DNAH9: variants seen among roughly 807,000 people sequenced by gnomAD.
DNAH9 encodes the protein dynein axonemal heavy chain 9, also known as DNAH9 variant protein.
DNAH9 carries 345 observed loss-of-function variants against 471.6 expected under a neutral mutation model. The observed-to-expected ratio is 0.73, with a 90% CI of 0.67 to 0.80. The LOEUF (loss-of-function observed/expected upper bound fraction) is 0.80. Among genes scored for constraint, DNAH9 ranks in the 30% least tolerant of loss-of-function variants. The pLI is 0.00. For synonymous variants in DNAH9, 2,093 were observed against 2,123.6 expected (o/e 0.99, Z 0.40); for missense variants, 5,407 against 5,609.2 (o/e 0.96, Z 1.15).
intron 15 of DNAH9, 36 bp downstream of exon 15, chr17:11,665,004 A>G (rs2073842466): frequency 6.3e-7 from 1 of 1,584,176 alleles, no homozygotes; most frequent in African/African-American, 1.4e-5. Context: ...TTATTATTGG[A>G]AAGATAACAA....
chr17:11,691,854 A>C (rs530773169), intron 20 of DNAH9, among the ~76,000 whole-genome samples: 1 of 151,890 alleles, frequency 6.6e-6, no homozygotes, highest in African/African-American at 2.4e-5. Context: ...CCCAGGCTGG[A>C]GTGTAGTGGT....
chr17:11,794,036 A>ATTTTTTTTTT (rs35741238), intron 42 of DNAH9, among the ~76,000 whole-genome samples: 2 of 80,900 alleles, frequency 2.5e-5, no homozygotes, highest in African/African-American at 5.1e-5. Flanking sequence ...ATTTTGAGCA[A>ATTTTTTTTTT]TTTTTTTTTT....
At chr17:11,669,035 T>C (rs1207926058) in intron 15 of DNAH9, 29 bp from the exon 16 acceptor site, 1 of 1,526,056 alleles carries the variant, frequency 6.6e-7, no homozygotes, top group Non-Finnish European at 9.0e-7. Context: ...CACTCTTTGT[T>C]TTGTTTGCTT....
rs1158440295 is a variant in DNAH9 at position 11,942,312 on chromosome 17, C to A, written c.12670C>A (p.Leu4224Ile). The A allele has an allele frequency of 1.2e-6, 2 of 1,613,992 alleles. No homozygotes were observed. Among genetic ancestry groups the A allele is most frequent in the Non-Finnish European group, 1.7e-6 (2 of 1,179,904 alleles). The change falls in exon 67 of 69, where the codon CTT becomes ATT. Residue 4224 changes from leucine (L) to isoleucine (I), a missense_variant. This residue lies in a region of DNAH9 where 4,636 missense variants were observed against 4,900.3 expected (regional missense o/e 0.95). Transcript: ENST00000262442. Reference protein sequence around the residue: ...GATREEKVKALLEEILERVTD... With the variant: ...GATREEKVKAILEEILERVTD... ...TCCTTCTGTGGGGCAGGTCAAGGCA[C>A]TTCTGGAAGAAATATTGGAGCGGGT...
intron 17 of DNAH9, among the ~76,000 whole-genome samples, chr17:11,670,445 C>T (rs909559387): frequency 2.0e-5 from 3 of 152,126 alleles, no homozygotes; most frequent in African/African-American, 4.8e-5. Flanking sequence ...TCTCAGAATC[C>T]CATTGGGGAC....
Position 11,744,967 on chromosome 17 carries a change from C to T in DNAH9, c.6282C>T (p.Ile2094=), listed in dbSNP as rs373753549. 4.1e-5 allele frequency: 66 copies of T among 1,614,020 alleles called. No individual in the cohort carries two copies. The Middle Eastern group carries it at 8.2e-4, about 20-fold the overall frequency. ...ACATGCCCATCTTCATGGGCCTGATCGGGGACCTCTTTCCCGCCCTGGATG... is the reference window on the plus strand; with the variant it reads ...ACATGCCCATCTTCATGGGCCTGATTGGGGACCTCTTTCCCGCCCTGGATG... ...TDDMPIFMGL[I]GDLFPALDVP... The change falls in exon 31 of 69, where the codon ATC becomes ATT. Residue 2094 remains isoleucine (I), a synonymous_variant. Transcript: ENST00000262442.
chr17:11,781,885 G>C (rs114272148), intron 39 of DNAH9, among the ~76,000 whole-genome samples: 4,151 of 148,870 alleles, frequency 0.028, 199 homozygotes, highest in African/African-American at 0.098. Flanking sequence ...ACCATGCACC[G>C]TGTCTGCAGA....
chr17:11,712,899 A>T (rs79055102), intron 26 of DNAH9, among the ~76,000 whole-genome samples: 13 of 123,484 alleles, frequency 1.1e-4, no homozygotes, highest in South Asian at 2.2e-4. Flanking sequence ...TGAGTTATTT[A>T]AAAAAAAAAA....
At chr17:11,774,279 G>T (rs769510733) in intron 38 of DNAH9, among the ~76,000 whole-genome samples, 2 of 151,992 alleles carry the variant, frequency 1.3e-5, no homozygotes, top group African/African-American at 2.4e-5. Flanking sequence ...CAAATATGTA[G>T]CCATAAAATA....
intron 8 of DNAH9, among the ~76,000 whole-genome samples, chr17:11,634,714 C>G (rs972622629): frequency 6.6e-6 from 1 of 152,168 alleles, no homozygotes; most frequent in African/African-American, 2.4e-5. Context: ...CCTTAGAGTG[C>G]CTTGGAATCA....
intron 60 of DNAH9, among the ~76,000 whole-genome samples, chr17:11,904,292 C>A (rs773374125): frequency 1.1e-3 from 166 of 151,952 alleles, no homozygotes; most frequent in Non-Finnish European, 2.0e-3. Flanking sequence ...TGTGCAGGGG[C>A]AGTGGTGACA....
intron 59 of DNAH9, among the ~76,000 whole-genome samples, chr17:11,902,162 C>G (rs1475202307): frequency 6.6e-6 from 1 of 152,216 alleles, no homozygotes; most frequent in Non-Finnish European, 1.5e-5. Context: ...GGACACATGA[C>G]TTACTGGACA....
chr17:11,632,750 G>C (rs761997007), intron 8 of DNAH9, 47 bp downstream of exon 8: 5 of 892,022 alleles, frequency 5.6e-6, no homozygotes, highest in African/African-American at 3.3e-5. Context: ...ATACTCCCCC[G>C]GCCCTCATCA....
At chr17:11,833,407 T>A (rs960425905) in intron 48 of DNAH9, among the ~76,000 whole-genome samples, 4 of 152,218 alleles carry the variant, frequency 2.6e-5, no homozygotes, top group Non-Finnish European at 5.9e-5. Context: ...CCATTACTTG[T>A]GCTTAGCCAC....
At chr17:11,933,183 TA>T (rs1329329890) in intron 64 of DNAH9, among the ~76,000 whole-genome samples, 1 of 152,190 alleles carries the variant, frequency 6.6e-6, no homozygotes, top group Non-Finnish European at 1.5e-5. Context: ...ATCTTGTCAT[TA>T]AAGGCAGAAA....
At chr17:11,707,594 C>G (rs768908395) in intron 26 of DNAH9, among the ~76,000 whole-genome samples, 1 of 150,690 alleles carries the variant, frequency 6.6e-6, no homozygotes, top group African/African-American at 2.5e-5. Flanking sequence ...GAGGAGAGTC[C>G]GACTCGAACT....
In DNAH9 at chr17:11,728,550, T is replaced by C. The variant is rs1404880614; in HGVS notation, c.5814+628T>C. Among the ~76,000 whole-genome samples the C allele has an allele frequency of 2.0e-5, 3 of 148,650 alleles. 1 individual carries two copies. The highest frequency in any genetic ancestry group is 7.5e-5 in the African/African-American group (3 of 40,130). On this transcript the variant is annotated intron_variant, in intron 28 of 68. Transcript: ENST00000262442. The stretch of plus-strand genomic sequence containing the variant: ...CTAAAAAAAAAAAAACAAAAAAAAC[T>C]TGAGCTCTTGAGATAGACGTGAGTA...
chr17:11,908,263 A>G (rs1340291369), intron 61 of DNAH9, among the ~76,000 whole-genome samples: 1 of 152,216 alleles, frequency 6.6e-6, no homozygotes, highest in East Asian at 1.9e-4. Context: ...TGTGTTGTTC[A>G]AGGGTCGACT....
At chr17:11,823,522 T>C (rs1970387232) in intron 48 of DNAH9, among the ~76,000 whole-genome samples, 1 of 152,260 alleles carries the variant, frequency 6.6e-6, no homozygotes, top group South Asian at 2.1e-4. Context: ...TTGTTTTGTC[T>C]TACTCTGTTA....
Sources: allele counts gnomAD v4.1 joint callset (sites outside exome capture counted in the v4.1 genomes callset), GRCh38; gene constraint gnomAD v4.1.1; regional missense constraint gnomAD v4.1.1; transcripts MANE v1.5; gene names NCBI Gene and HGNC (gene_info 2026-07-23, HGNC 2026-07-21).